PRR5: variants seen among roughly 807,000 people sequenced by gnomAD.
PRR5 encodes the protein proline-rich protein 5.
In PRR5, 25 loss-of-function variants were observed where a neutral mutation model predicts 30.6. The observed-to-expected ratio is 0.82, with a 90% CI of 0.60 to 1.14. The LOEUF (loss-of-function observed/expected upper bound fraction) is 1.14, where lower values mean the gene tolerates loss of function less well. Ranked by LOEUF, PRR5 falls within the 50% of genes most tolerant of loss-of-function variation. The pLI, the probability that PRR5 is intolerant of heterozygous loss-of-function variation, is 0.00. For missense variants in PRR5, 600 were observed against 547.1 expected (o/e 1.10, Z -0.96); for synonymous variants, 286 against 247.1 (o/e 1.16, Z -1.48).
upstream of PRR5, among the ~76,000 whole-genome samples, chr22:44,701,796 G>A (rs1439259364): frequency 2.0e-5 from 3 of 152,218 alleles, no homozygotes; most frequent in Non-Finnish European, 2.9e-5. Context: ...AACTGGGTGG[G>A]GGAGCCTGTG....
At chr22:44,685,578 C>G (rs571906387) in intron 1 of PRR5, among the ~76,000 whole-genome samples, 3 of 149,932 alleles carry the variant, frequency 2.0e-5, no homozygotes, top group African/African-American at 7.4e-5. Flanking sequence ...CACCCCTCTC[C>G]CCAGTGAAAG....
chr22:44,692,114 C>T (rs1925292248), intron 1 of PRR5, among the ~76,000 whole-genome samples: 1 of 151,956 alleles, frequency 6.6e-6, no homozygotes, highest in Non-Finnish European at 1.5e-5. Flanking sequence ...CTGCCTAAGC[C>T]CTCAGATCCC....
chr22:44,702,277 A>G lies in PRR5; in HGVS notation c.-198A>G. 8.8e-7 allele frequency: 1 copy of G among 1,142,250 alleles called. No individual in the cohort carries two copies. The highest frequency in any genetic ancestry group is 1.1e-6 in the Non-Finnish European group (1 of 929,000). 70.8% of individuals were successfully genotyped at this position (1,142,250 alleles called of 1,614,324 possible). ...CGCTGAGCCTCTCCGTGCAATGATT[A>G]ACCCGGCGGGGCGGCCGGCGCGGGA... On this transcript the variant is annotated 5_prime_UTR_variant, in exon 1 of 8. Transcript: ENST00000336985.
chr22:44,734,853 C>T, intron 6 of PRR5, 174 bp from the exon 7 acceptor site: 2 of 827,782 alleles, frequency 2.4e-6, no homozygotes, highest in Non-Finnish European at 1.9e-6. Context: ...GCCACATGCT[C>T]TGAGAGGGGC....
upstream of PRR5, among the ~76,000 whole-genome samples, chr22:44,698,257 C>T (rs116852322): frequency 5.1e-3 from 781 of 152,144 alleles, 6 homozygotes; most frequent in Middle Eastern, 0.031. Flanking sequence ...GCCATCGGGC[C>T]TGGCACCTTC....
At chr22:44,698,873 G>T (rs766049465), upstream of PRR5, among the ~76,000 whole-genome samples, 1 of 152,198 alleles carries the variant, frequency 6.6e-6, no homozygotes, top group African/African-American at 2.4e-5. Flanking sequence ...CTGCTCTGAG[G>T]GTTTGTGACA....
intron 1 of PRR5, among the ~76,000 whole-genome samples, chr22:44,714,252 G>A (rs564506525): frequency 6.6e-6 from 1 of 152,214 alleles, no homozygotes; most frequent in Non-Finnish European, 1.5e-5. Flanking sequence ...GTGTTGGGGG[G>A]TGGGAGAGGC....
At chr22:44,688,241 G>A (rs532683748) in intron 1 of PRR5, among the ~76,000 whole-genome samples, 143 of 151,934 alleles carry the variant, frequency 9.4e-4, no homozygotes, top group Non-Finnish European at 1.5e-3. Context: ...AAAATTAGCC[G>A]GGTGTGGTGG....
chr22:44,723,057 C>G (rs1930181694), intron 2 of PRR5, among the ~76,000 whole-genome samples: 1 of 151,648 alleles, frequency 6.6e-6, no homozygotes, highest in African/African-American at 2.4e-5. Flanking sequence ...GCGATCTCAG[C>G]CCGCTGCAAC....
intron 6 of PRR5, among the ~76,000 whole-genome samples, chr22:44,733,774 G>A (rs926189939): frequency 1.3e-5 from 2 of 152,130 alleles, no homozygotes; most frequent in African/African-American, 4.8e-5. Context: ...GGGCACCTGT[G>A]GAGTCCCACC....
intron 1 of PRR5, among the ~76,000 whole-genome samples, chr22:44,681,158 A>G (rs947714912): frequency 7.9e-5 from 12 of 152,216 alleles, no homozygotes; most frequent in Non-Finnish European, 1.5e-5. Context: ...AAATGACACC[A>G]GCCCATGAAG....
At chr22:44,674,682 G>A (rs1923619221), upstream of PRR5, among the ~76,000 whole-genome samples, 2 of 151,366 alleles carry the variant, frequency 1.3e-5, no homozygotes, top group East Asian at 2.0e-4. Context: ...GACCGCCACT[G>A]CACTCCAGCC....
At position 44,705,263 on chromosome 22, in the gene PRR5, C is replaced by T. The variant is rs539917534; in HGVS notation, c.134+2655C>T. Among the ~76,000 whole-genome samples, 4 of 152,250 alleles carry T rather than the reference C, an allele frequency of 2.6e-5. No homozygotes were observed. In the South Asian group the frequency reaches 8.3e-4, roughly 32 times the overall value. ...TCTTTGGCTTGTGGCTGCATCACTC[C>T]AATATGTACCTCCCCATGGCTTTCA... On this transcript the variant is annotated intron_variant, in intron 1 of 7. Transcript: ENST00000336985.
chr22:44,725,173 C>T (rs1365277540), intron 2 of PRR5, 71 bp from the exon 3 acceptor site: 3 of 1,596,684 alleles, frequency 1.9e-6, no homozygotes, highest in African/African-American at 1.3e-5. Context: ...AGGCCCCACC[C>T]CAGTCCGTGG....
At chr22:44,734,014 C>G (rs535555052) in intron 6 of PRR5, 1 of 152,396 alleles carries the variant, frequency 6.6e-6, no homozygotes, top group East Asian at 1.9e-4. Context: ...TCACTCATGC[C>G]TGCAATCCCA....
chr22:44,730,857 G>C (rs1339656668), intron 4 of PRR5: 2 of 447,208 alleles, frequency 4.5e-6, no homozygotes, highest in South Asian at 3.7e-5. Flanking sequence ...CGGAGGCTCA[G>C]CCTCTGTCTG....
At chr22:44,668,822 G>C (rs1307572735) in intron 1 of PRR5, 1 of 149,288 alleles carries the variant, frequency 6.7e-6, no homozygotes, top group African/African-American at 2.4e-5. Flanking sequence ...GGCGGCTACG[G>C]GTCCGGAGGC....
chr22:44,723,769 G>A (rs1010678828), intron 2 of PRR5, among the ~76,000 whole-genome samples: 4 of 152,168 alleles, frequency 2.6e-5, no homozygotes, highest in African/African-American at 9.7e-5. Flanking sequence ...ACTTTGAGCA[G>A]TGTTTGCCCG....
chr22:44,674,767 A>C (rs147140621), upstream of PRR5, among the ~76,000 whole-genome samples: 1,025 of 151,564 alleles, frequency 6.8e-3, 6 homozygotes, highest in African/African-American at 0.022. Context: ...CAACATGGTG[A>C]AACCTAGTCT....
Sources: allele counts gnomAD v4.1 joint callset (sites outside exome capture counted in the v4.1 genomes callset), GRCh38; gene constraint gnomAD v4.1.1; transcripts MANE v1.5; gene names NCBI Gene and HGNC (gene_info 2026-07-23, HGNC 2026-07-21).